SLC19A3: variants seen among roughly 807,000 people sequenced by gnomAD.
SLC19A3 encodes thiamine transporter 2.
SLC19A3 carries 31 observed loss-of-function variants against 40.2 expected under a neutral mutation model. That is an observed-to-expected ratio of 0.77 (90% CI 0.58 to 1.04). The LOEUF is 1.04. Ranked by LOEUF, SLC19A3 falls within the 50% of genes least tolerant of loss-of-function variation. The probability of loss-of-function intolerance (pLI) is 0.00; values close to 1 mark genes in which losing one functional copy is unlikely to be tolerated. For missense variants in SLC19A3, 592 were observed against 596.7 expected, an observed-to-expected ratio of 0.99 and a Z score of 0.08; for synonymous variants, 212 against 227.5, an observed-to-expected ratio of 0.93 and a Z score of 0.61.
chr2:227,716,857 A>G (rs1696350483), intron 1 of SLC19A3, among the ~76,000 whole-genome samples: 1 of 152,058 alleles, frequency 6.6e-6, no homozygotes. Context: ...TTCAGCTACT[A>G]CTAGGATAAT....
At chr2:227,694,714 C>G (rs1049217738) in intron 4 of SLC19A3, among the ~76,000 whole-genome samples, 7 of 152,016 alleles carry the variant, frequency 4.6e-5, no homozygotes, top group African/African-American at 1.7e-4. Context: ...AAAGTAGAAG[C>G]AAAAATGACG....
intron 1 of SLC19A3, among the ~76,000 whole-genome samples, chr2:227,707,147 G>A (rs1574573967): frequency 6.6e-6 from 1 of 152,154 alleles, no homozygotes; most frequent in Admixed American, 6.6e-5. Flanking sequence ...GAAGAAAATG[G>A]CCACAGACAC....
chr2:227,687,892 G>A (rs943764252), intron 5 of SLC19A3, among the ~76,000 whole-genome samples: 1 of 152,158 alleles, frequency 6.6e-6, no homozygotes, highest in African/African-American at 2.4e-5. Context: ...CTGTCTCTAT[G>A]TCTTTGTTTG....
At chr2:227,712,097 A>AGGTACTGT (rs1696162677) in intron 1 of SLC19A3, among the ~76,000 whole-genome samples, 1 of 145,462 alleles carries the variant, frequency 6.9e-6, no homozygotes, top group Non-Finnish European at 1.5e-5. Context: ...GCTTCTCAAG[A>AGGTACTGT]GGTACTGTTA....
At chr2:227,695,507 T>A (rs112909305) in intron 4 of SLC19A3, 6,459 of 225,644 alleles carry the variant, frequency 0.029, 429 homozygotes, top group African/African-American at 0.14. Context: ...GAGGTTGAGG[T>A]TGGGGACTCA....
intron 2 of SLC19A3, chr2:227,701,007 A>T: frequency 6.1e-6 from 8 of 1,304,314 alleles, no homozygotes; most frequent in Non-Finnish European, 8.1e-6. Flanking sequence ...AAGGTCTGTT[A>T]ACTGGTCCAC....
chr2:227,699,400 G>T lies in SLC19A3; in HGVS notation c.315C>A (p.Thr105=). Residue 105 remains threonine, a synonymous_variant, in exon 3 of 6, where the codon ACC becomes ACA. Coordinates refer to ENST00000644224, the MANE Select transcript of SLC19A3 (RefSeq NM_025243.4). The stretch of plus-strand genomic sequence containing the variant: ...CATAGAAGAACTCTACAACCTGCAT[G>T]GTCTTCACTCCTTGGCCAAACAACA... The part of the protein sequence containing the change: ...LLLLFGQGVK[T]MQVVEFFYGM... 6.2e-7 allele frequency: 1 copy of T among 1,614,140 alleles called. No individual in the cohort carries two copies.
In SLC19A3 at chr2:227,706,505, T is replaced by C; in HGVS notation, c.-2-4185A>G. On this transcript the variant is annotated intron_variant, in intron 1 of 5. Coordinates refer to ENST00000644224, the MANE Select transcript of SLC19A3 (RefSeq NM_025243.4). ...ATTTTAAAAGGCTGGGTGTAGTGGC[T>C]CATGCTTGTAATCCCAGCGCTTTGG... 5.0e-6 allele frequency: 6 copies of C among 1,209,838 alleles called. No individual in the cohort carries two copies. In the South Asian group the frequency reaches 2.2e-4, roughly 43 times the overall value. The allele number at this position is 1,209,838 out of a possible 1,614,324, so 74.9% of individuals were successfully genotyped here.
At chr2:227,714,017 G>A (rs922561411) in intron 1 of SLC19A3, among the ~76,000 whole-genome samples, 15 of 152,096 alleles carry the variant, frequency 9.9e-5, no homozygotes, top group African/African-American at 3.4e-4. Flanking sequence ...AGGGCAGGAG[G>A]CAATTTTCTG....
intron 1 of SLC19A3, chr2:227,714,703 C>CAAAAAAA (rs769256469): frequency 1.7e-5 from 3 of 177,182 alleles, no homozygotes; most frequent in Non-Finnish European, 1.6e-5. Context: ...AAATCCCATC[C>CAAAAAAA]AAAAAAAAAA....
intron 5 of SLC19A3, 146 bp from the exon 6 acceptor site, chr2:227,687,719 T>C (rs1323489621): frequency 2.7e-6 from 2 of 744,084 alleles, no homozygotes; most frequent in Non-Finnish European, 4.5e-6. Flanking sequence ...AACAATACTC[T>C]CCTATCAAGT....
chr2:227,709,743 C>T (rs961328425), intron 1 of SLC19A3, among the ~76,000 whole-genome samples: 2 of 152,094 alleles, frequency 1.3e-5, no homozygotes, highest in African/African-American at 4.8e-5. Context: ...AACTGACTGC[C>T]TGGAGAAGAA....
At chr2:227,688,431 AAGAG>A (rs556969483) in intron 4 of SLC19A3, 124 bp from the exon 5 acceptor site, 6 of 790,844 alleles carry the variant, frequency 7.6e-6, no homozygotes, top group Admixed American at 2.1e-5. Context: ...TAGTCCAGCA[AAGAG>A]AGAGAGAGAC....
chr2:227,712,369 T>TA (rs1696172925), intron 1 of SLC19A3, among the ~76,000 whole-genome samples: 1 of 78,668 alleles, frequency 1.3e-5, no homozygotes, highest in African/African-American at 3.4e-5. Flanking sequence ...AGAACCCCTG[T>TA]AACTCAATAA....
chr2:227,709,724 G>A (rs1008263022), intron 1 of SLC19A3, among the ~76,000 whole-genome samples: 1 of 152,086 alleles, frequency 6.6e-6, no homozygotes, highest in Non-Finnish European at 1.5e-5. Flanking sequence ...AACCTGATAA[G>A]TTTCCCACAA....
At chr2:227,700,732 C>T (rs1204783128) in intron 2 of SLC19A3, among the ~76,000 whole-genome samples, 2 of 152,144 alleles carry the variant, frequency 1.3e-5, no homozygotes, top group African/African-American at 4.8e-5. Flanking sequence ...GGTTCCCAAC[C>T]TTCCCCCTGC....
At chr2:227,699,671 G>T in intron 2 of SLC19A3, 107 bp from the exon 3 acceptor site, 1 of 940,772 alleles carries the variant, frequency 1.1e-6, no homozygotes, top group East Asian at 2.4e-5. Flanking sequence ...TCGCATTACG[G>T]AGAAACATAA....
intron 1 of SLC19A3, 138 bp from the exon 2 acceptor site, chr2:227,702,458 A>G: frequency 1.2e-6 from 1 of 815,964 alleles, no homozygotes; most frequent in Non-Finnish European, 1.9e-6. Context: ...CAGTGGCATG[A>G]TCTCAGCCCA....
At position 227,703,551 on chromosome 2, in the gene SLC19A3, T is replaced by G. The variant is rs975597462; in HGVS notation, c.-2-1231A>C. Among the ~76,000 whole-genome samples, 2 of 152,210 alleles carry G rather than the reference T, an allele frequency of 1.3e-5. No homozygotes were observed. The highest frequency in any genetic ancestry group is 4.8e-5 in the African/African-American group (2 of 41,454). On this transcript the variant is annotated intron_variant, in intron 1 of 5. Coordinates refer to ENST00000644224, the MANE Select transcript of SLC19A3 (RefSeq NM_025243.4). This position sits in a 1 kb window ranked among gnomAD's most constrained non-coding sequence, Gnocchi z 4.7. Reference sequence around the variant, plus strand: ...CTAGGATTACAGCATCAGTGAGCAATGCTGACAATGTGAAAATTTTGCCAA... The same window carrying G: ...CTAGGATTACAGCATCAGTGAGCAAGGCTGACAATGTGAAAATTTTGCCAA...
Sources: gnomAD v4.1 joint callset for allele counts (sites outside exome capture counted in the v4.1 genomes callset) on GRCh38, gnomAD v4.1.1 for gene constraint, Gnocchi (gnomAD v3.1) non-coding constraint, MANE v1.5 for transcripts, NCBI Gene and HGNC (gene_info 2026-07-23, HGNC 2026-07-21) for gene names.